RORA: variants seen among roughly 807,000 people sequenced by gnomAD.
RORA encodes the protein RAR related orphan receptor A.
A neutral mutation model predicts 69.5 loss-of-function variants in RORA; 7 were observed. The observed-to-expected ratio is 0.10, with a 90% confidence interval of 0.06 to 0.19. The LOEUF is 0.19. Among genes scored for constraint, RORA ranks in the 10% least tolerant of loss-of-function variants. RORA has a pLI of 1.00. For synonymous variants in RORA, 261 were observed against 240.8 expected (o/e 1.08, Z -0.78); for missense variants, 457 against 663.0 (o/e 0.69, Z 3.41).
chr15:61,051,746 G>T (rs1036595139), intron 1 of RORA, among the ~76,000 whole-genome samples: 6 of 152,192 alleles, frequency 3.9e-5, no homozygotes, highest in African/African-American at 1.4e-4. Context: ...TACATGCAAA[G>T]GAATCTGAAG....
chr15:61,088,133 A>G (rs2078652565), intron 1 of RORA, among the ~76,000 whole-genome samples: 1 of 152,170 alleles, frequency 6.6e-6, no homozygotes, highest in African/African-American at 2.4e-5. Flanking sequence ...AGGCACTCAC[A>G]TGTTGGCCAG....
intron 1 of RORA, among the ~76,000 whole-genome samples, chr15:60,723,731 C>T (rs1338163945): frequency 6.6e-6 from 1 of 152,152 alleles, no homozygotes; most frequent in Admixed American, 6.5e-5. Flanking sequence ...TTCATCTATT[C>T]AAATAACAAA....
chr15:61,100,031 T>C (rs1192941397), intron 1 of RORA, among the ~76,000 whole-genome samples: 2 of 152,098 alleles, frequency 1.3e-5, no homozygotes, highest in Non-Finnish European at 2.9e-5. Context: ...TCATCTTAAA[T>C]TATAGGAATA....
chr15:60,510,233 T>G (rs2065652043), intron 5 of RORA, among the ~76,000 whole-genome samples: 1 of 152,190 alleles, frequency 6.6e-6, no homozygotes, highest in Non-Finnish European at 1.5e-5. Context: ...GATTATAACC[T>G]TGTGTGAGGA....
At chr15:60,817,069 A>G (rs1437026107) in intron 1 of RORA, among the ~76,000 whole-genome samples, 1 of 152,204 alleles carries the variant, frequency 6.6e-6, no homozygotes, top group Non-Finnish European at 1.5e-5. Context: ...GTTATGATAC[A>G]CGTATGCATT....
At chr15:61,000,909 T>G (rs1395170183) in intron 1 of RORA, among the ~76,000 whole-genome samples, 1 of 152,202 alleles carries the variant, frequency 6.6e-6, no homozygotes, top group Admixed American at 6.5e-5. Context: ...GGCCTCAGTT[T>G]CTTCATCTTT....
chr15:61,164,856 G>A (rs2079527480), intron 1 of RORA, among the ~76,000 whole-genome samples: 1 of 152,176 alleles, frequency 6.6e-6, no homozygotes, highest in Non-Finnish European at 1.5e-5. Context: ...CAGGTAATTA[G>A]AGAGCACTTT....
At chr15:60,845,305 G>A (rs189464130) in intron 1 of RORA, among the ~76,000 whole-genome samples, 4 of 152,228 alleles carry the variant, frequency 2.6e-5, no homozygotes, top group East Asian at 1.9e-4. Flanking sequence ...TCAGCATCAC[G>A]GTATTCTGAT....
chr15:60,551,117 T>G (rs1227951433), intron 2 of RORA, among the ~76,000 whole-genome samples: 2 of 152,168 alleles, frequency 1.3e-5, no homozygotes, highest in African/African-American at 4.8e-5. Context: ...TATAGCTATA[T>G]AGGGAATATG....
intron 1 of RORA, among the ~76,000 whole-genome samples, chr15:61,202,978 T>C (rs1046010767): frequency 2.0e-5 from 3 of 152,192 alleles, no homozygotes; most frequent in Non-Finnish European, 2.9e-5. Flanking sequence ...ATTACAATCA[T>C]ATAAGGAACA....
At chr15:60,605,398 TC>T (rs558793726) in intron 2 of RORA, among the ~76,000 whole-genome samples, 3 of 152,154 alleles carry the variant, frequency 2.0e-5, no homozygotes, top group Non-Finnish European at 2.9e-5. Flanking sequence ...ACCTATTGTA[TC>T]CCTTAGGATT....
At chr15:61,002,975 CAA>C (rs59966691) in intron 1 of RORA, among the ~76,000 whole-genome samples, 49 of 116,958 alleles carry the variant, frequency 4.2e-4, no homozygotes, top group African/African-American at 7.0e-4. Flanking sequence ...ACTAAAAATA[CAA>C]AAAAAAAAAA....
chr15:60,622,103 C>A (rs1489923292), intron 2 of RORA, among the ~76,000 whole-genome samples: 1 of 151,952 alleles, frequency 6.6e-6, no homozygotes, highest in Non-Finnish European at 1.5e-5. Flanking sequence ...TATGTGTATA[C>A]TCCCTCTATA....
chr15:60,982,233 G>A (rs1276194735), intron 1 of RORA, among the ~76,000 whole-genome samples: 1 of 152,182 alleles, frequency 6.6e-6, no homozygotes, highest in East Asian at 1.9e-4. Context: ...TCCTGATTAT[G>A]CGTAGCCTAA....
In RORA at chr15:60,551,119, G is replaced by T. The variant is rs375694797; in HGVS notation, c.197-19268C>A. On this transcript the variant is annotated intron_variant, in intron 2 of 10. Transcript: ENST00000335670. ...ATTAAGAAATAACTATAGCTATATAGGGAATATGCAACACATTAATATATT... is the reference window on the plus strand; with the variant it reads ...ATTAAGAAATAACTATAGCTATATATGGAATATGCAACACATTAATATATT... 5.3e-5 allele frequency among the ~76,000 whole-genome samples: 8 copies of T among 152,182 alleles called. No homozygotes were observed. The East Asian group carries it at 1.5e-3, about 29-fold the overall frequency.
At chr15:60,783,262 G>A (rs1042958348) in intron 1 of RORA, among the ~76,000 whole-genome samples, 1 of 151,986 alleles carries the variant, frequency 6.6e-6, no homozygotes, top group Non-Finnish European at 1.5e-5. Flanking sequence ...AAGAAATAAA[G>A]GCTTTTGTAC....
At chr15:61,035,595 T>C (rs1337516987) in intron 1 of RORA, among the ~76,000 whole-genome samples, 1 of 152,188 alleles carries the variant, frequency 6.6e-6, no homozygotes, top group African/African-American at 2.4e-5. Flanking sequence ...TTCAAGCTTC[T>C]AGAATGAGAC....
chr15:61,185,002 AAAGAAG>A lies in RORA; in HGVS notation c.166+44045_166+44050del, dbSNP rs1313174431. ...CCTGTCTCTCAAAAAAAAAAAAAAA[AAAGAAG>A]AAGAAGAAGAAGAAGAAGGACTGTT... On this transcript the variant is annotated intron_variant, in intron 1 of 10. Coordinates refer to ENST00000335670, the MANE Select transcript of RORA (RefSeq NM_134261.3). Among the ~76,000 whole-genome samples, 92 of 150,878 alleles carry A rather than the reference AAAGAAG, an allele frequency of 6.1e-4. 1 individual carries two copies. The highest frequency in any genetic ancestry group is 2.2e-3 in the African/African-American group (89 of 41,082).
intron 1 of RORA, among the ~76,000 whole-genome samples, chr15:61,200,885 T>G (rs905746424): frequency 6.6e-6 from 1 of 152,158 alleles, no homozygotes; most frequent in African/African-American, 2.4e-5. Flanking sequence ...TTTCTCATAA[T>G]TAGATCATTC....
Sources: gnomAD v4.1 joint callset for allele counts (sites outside exome capture counted in the v4.1 genomes callset) on GRCh38, gnomAD v4.1.1 for gene constraint, MANE v1.5 for transcripts, NCBI Gene and HGNC (gene_info 2026-07-23, HGNC 2026-07-21) for gene names.